The following RNPEP variants were observed in gnomAD, a reference collection of about 807,000 sequenced individuals.
The protein encoded by RNPEP is arginyl aminopeptidase.
RNPEP carries 57 observed loss-of-function variants against 70.1 expected under a neutral mutation model. The observed-to-expected ratio is 0.81, with a 90% CI of 0.66 to 1.01. RNPEP has a LOEUF of 1.01. Among genes scored for constraint, RNPEP ranks in the 50% least tolerant of loss-of-function variants. The pLI is 0.00. For synonymous variants in RNPEP, 335 were observed against 357.4 expected (o/e 0.94, Z 0.71); for missense variants, 787 against 852.4 (o/e 0.92, Z 0.96).
chr1:202,000,398 T>C (rs1683748315), intron 6 of RNPEP: 1 of 170,198 alleles, frequency 5.9e-6, no homozygotes, highest in African/African-American at 2.4e-5. Flanking sequence ...AAGTGTCTTG[T>C]CCAGGTCATG....
rs34077790 is a variant in RNPEP at position 201,994,833 on chromosome 1, ATTTTTTTTTT to A, written c.738-1297_738-1288del. 3.5e-5 allele frequency among the ~76,000 whole-genome samples: 3 copies of A among 85,224 alleles called. No homozygotes were observed. The South Asian group carries it at 1.4e-3, about 40-fold the overall frequency. 55.9% of individuals were successfully genotyped at this position (85,224 alleles called of 152,430 possible). A position where few individuals can be genotyped will look rare whatever the true frequency, so the allele number is the denominator to read the frequency against. ...AGGCATACACTACCATGTCCTGCTA[ATTTTTTTTTT>A]TTTTTTTTTTTTTTTTAGTAGAAAC... On this transcript the variant is annotated intron_variant, in intron 3 of 10. Coordinates refer to ENST00000295640, the MANE Select transcript of RNPEP (RefSeq NM_020216.4).
Position 202,005,734 on chromosome 1 carries a change from C to T in RNPEP, c.*18C>T. On this transcript the variant is annotated 3_prime_UTR_variant, in exon 11 of 11. Coordinates refer to ENST00000295640, the MANE Select transcript of RNPEP (RefSeq NM_020216.4). ...GCAGTTAGAGGCTCGTGTGCATGGCCCCTGCCTCTTCAGGCTCTCCAGGCT... is the reference window on the plus strand; with the variant it reads ...GCAGTTAGAGGCTCGTGTGCATGGCTCCTGCCTCTTCAGGCTCTCCAGGCT... 1.2e-6 allele frequency: 2 copies of T among 1,612,064 alleles called. No individual in the cohort carries two copies. The highest frequency in any genetic ancestry group is 1.7e-6 in the Non-Finnish European group (2 of 1,178,210).
At chr1:202,005,375 C>T (rs10737577) in intron 10 of RNPEP, among the ~76,000 whole-genome samples, 183 bp from the exon 11 acceptor site, 149,122 of 152,218 alleles carry the variant, frequency 0.98, 73,116 homozygotes, top group East Asian at 1. Context: ...CCATGGATCT[C>T]TGGCGCCCAA....
intron 6 of RNPEP, 33 bp downstream of exon 6, chr1:202,000,048 C>G: frequency 6.7e-7 from 1 of 1,491,570 alleles, no homozygotes; most frequent in Non-Finnish European, 9.3e-7. Flanking sequence ...ACACCCACTC[C>G]CCTCAATTGA....
intron 4 of RNPEP, chr1:201,996,466 TGTG>T: frequency 8.6e-6 from 1 of 116,740 alleles, no homozygotes; most frequent in South Asian, 6.1e-5. Flanking sequence ...TGAGGTTCTT[TGTG>T]TGTGTGTGTG....
chr1:201,997,090 C>T (rs556946900), intron 4 of RNPEP, among the ~76,000 whole-genome samples: 3 of 152,228 alleles, frequency 2.0e-5, no homozygotes, highest in South Asian at 4.1e-4. Flanking sequence ...GAGTGAGCTC[C>T]AGGAGAGCAG....
intron 6 of RNPEP, among the ~76,000 whole-genome samples, chr1:202,000,780 G>GCTA (rs1345271142): frequency 6.6e-6 from 1 of 152,010 alleles, no homozygotes; most frequent in Non-Finnish European, 1.5e-5. Flanking sequence ...TGTAATCCCA[G>GCTA]CTACTGGGGA....
chr1:201,982,752 C>T lies in RNPEP; in HGVS notation c.86C>T (p.Ser29Phe). The change falls in exon 1 of 11, where the codon TCC becomes TTC. Residue 29 changes from serine to phenylalanine, a missense_variant. Coordinates refer to ENST00000295640, the MANE Select transcript of RNPEP (RefSeq NM_020216.4). The stretch of plus-strand genomic sequence containing the variant: ...CAGGCTGTGGACGTGGCCTCGGCCT[C>T]CAACTTCCGGGCCTTTGAGCTGCTG... ...SAQAVDVASA[S>F]NFRAFELLHL... 7.3e-7 allele frequency: 1 copy of T among 1,375,992 alleles called. No individual in the cohort carries two copies. The highest frequency in any genetic ancestry group is 9.4e-7 in the Non-Finnish European group (1 of 1,063,892). 85.2% of individuals were successfully genotyped at this position (1,375,992 alleles called of 1,614,324 possible).
intron 1 of RNPEP, chr1:201,983,536 C>CTT: frequency 7.6e-7 from 1 of 1,316,970 alleles, no homozygotes; most frequent in African/African-American, 1.5e-5. Context: ...TATCAGCCAC[C>CTT]TTATCTCTGC....
intron 5 of RNPEP, among the ~76,000 whole-genome samples, chr1:201,998,698 AT>A (rs1460080250): frequency 6.6e-6 from 1 of 152,134 alleles, no homozygotes; most frequent in African/African-American, 2.4e-5. Flanking sequence ...GCAAGCAAAT[AT>A]TTTTATCCCA....
chr1:201,998,313 A>G (rs958443205), intron 5 of RNPEP, among the ~76,000 whole-genome samples: 2 of 143,436 alleles, frequency 1.4e-5, no homozygotes, highest in Admixed American at 7.1e-5. Context: ...GCTCATTGCA[A>G]CCTCCACCTC....
intron 6 of RNPEP, chr1:202,000,312 G>C: frequency 3.6e-6 from 1 of 276,822 alleles, no homozygotes; most frequent in Admixed American, 5.1e-5. Flanking sequence ...TGATCATCAG[G>C]GCAGATCTGT....
intron 3 of RNPEP, among the ~76,000 whole-genome samples, chr1:201,990,169 C>A (rs1683275750): frequency 6.6e-6 from 1 of 152,150 alleles, no homozygotes; most frequent in African/African-American, 2.4e-5. Context: ...TTATTAATAT[C>A]TTTAAGTTCT....
intron 1 of RNPEP, chr1:201,983,339 C>G (rs370752271): frequency 6.1e-6 from 9 of 1,470,038 alleles, no homozygotes; most frequent in Non-Finnish European, 8.1e-6. Context: ...AGCCACTGGG[C>G]GGTGCATCCT....
chr1:201,997,228 T>A, intron 4 of RNPEP, 91 bp from the exon 5 acceptor site: 2 of 949,084 alleles, frequency 2.1e-6, no homozygotes, highest in Non-Finnish European at 3.4e-6. Flanking sequence ...ACTGCATCTG[T>A]TAGGGCTTGG....
At chr1:202,004,212 G>T (rs1683956742) in intron 9 of RNPEP, 142 bp from the exon 10 acceptor site, 2 of 843,246 alleles carry the variant, frequency 2.4e-6, no homozygotes, top group Non-Finnish European at 3.6e-6. Context: ...ATTTTTAGTA[G>T]AGATGGGGTT....
intron 8 of RNPEP, among the ~76,000 whole-genome samples, chr1:202,002,398 G>A (rs371603510): frequency 6.6e-6 from 1 of 152,108 alleles, no homozygotes; most frequent in Non-Finnish European, 1.5e-5. Context: ...CTGACCTCAG[G>A]TGATCCACCT....
At position 201,983,593 on chromosome 1, in the gene RNPEP, T is replaced by G. The variant is rs1683019759; in HGVS notation, c.447+480T>G. 3.9e-6 allele frequency: 5 copies of G among 1,292,172 alleles called. No individual in the cohort carries two copies. The South Asian group carries it at 6.4e-5, about 16-fold the overall frequency. 80.0% of individuals were successfully genotyped at this position (1,292,172 alleles called of 1,614,324 possible). A position where few individuals can be genotyped will look rare whatever the true frequency, so the allele number is the denominator to read the frequency against. On this transcript the variant is annotated intron_variant, in intron 1 of 10. Coordinates refer to ENST00000295640, the MANE Select transcript of RNPEP (RefSeq NM_020216.4). ...GCCAGATGTTGATCTAGCTCTTTGTTCTGTGTTGCCTTCTAGTTCCACGGT... is the reference window on the plus strand; with the variant it reads ...GCCAGATGTTGATCTAGCTCTTTGTGCTGTGTTGCCTTCTAGTTCCACGGT...
intron 9 of RNPEP, 85 bp from the exon 10 acceptor site, chr1:202,004,269 C>T: frequency 6.9e-7 from 1 of 1,454,860 alleles, no homozygotes; most frequent in East Asian, 2.3e-5. Context: ...CTCAAGTGAT[C>T]CGCCCACCTC....
Sources: gnomAD v4.1 joint callset for allele counts (sites outside exome capture counted in the v4.1 genomes callset) on GRCh38, gnomAD v4.1.1 for gene constraint, MANE v1.5 for transcripts, NCBI Gene and HGNC (gene_info 2026-07-23, HGNC 2026-07-21) for gene names.